DPP9: variants seen among roughly 807,000 people sequenced by gnomAD.
DPP9 encodes the protein dipeptidyl peptidase IV-related protein-2.
Under a neutral mutation model 110.7 loss-of-function variants are expected in DPP9, and 50 were observed. The ratio of observed to expected loss-of-function variants is 0.45; its 90% CI spans 0.36 to 0.57. The LOEUF is 0.57. Ranked by LOEUF, DPP9 falls within the 20% of genes least tolerant of loss-of-function variation. DPP9 has a pLI of 0.00. For synonymous variants in DPP9, 561 were observed against 514.4 expected (o/e 1.09, Z -1.23); for missense variants, 1,022 against 1,217.9 (o/e 0.84, Z 2.39).
chr19:4,714,047 T>C, intron 4 of DPP9, 34 bp downstream of exon 4: 2 of 1,582,368 alleles, frequency 1.3e-6, no homozygotes, highest in Non-Finnish European at 1.7e-6. Context: ...CCAGATGCTG[T>C]CCCCGCCCAA....
chr19:4,697,711 G>T, intron 10 of DPP9, 60 bp from the exon 11 acceptor site: 2 of 1,413,040 alleles, frequency 1.4e-6, no homozygotes, highest in Non-Finnish European at 9.9e-7. Flanking sequence ...GCTCGGAGGA[G>T]AAGGCCACTG....
In DPP9 at chr19:4,676,752, C is replaced by T. The variant is rs182539615; in HGVS notation, c.2587-96G>A. The T allele has an allele frequency of 5.9e-6, 6 of 1,008,408 alleles. No individual in the cohort carries two copies. Among genetic ancestry groups the T allele is most frequent in the Middle Eastern group, 4.3e-4 (2 of 4,698 alleles). 62.5% of individuals were successfully genotyped at this position (1,008,408 alleles called of 1,614,324 possible). A position where few individuals can be genotyped will look rare whatever the true frequency, so the allele number is the denominator to read the frequency against. ...TTCTGGCTCAGGGCATCCGGGAAGG[C>T]GCAGGTGCTCTGAGGCCCAGTGATC... On this transcript the variant is annotated intron_variant, in intron 21 of 21. Coordinates refer to ENST00000262960, the MANE Select transcript of DPP9 (RefSeq NM_139159.5). This position sits in a 1 kb window ranked among gnomAD's most constrained non-coding sequence, Gnocchi z 4.0.
At chr19:4,701,780 G>C (rs1461979714) in intron 9 of DPP9, among the ~76,000 whole-genome samples, 2 of 152,238 alleles carry the variant, frequency 1.3e-5, no homozygotes, top group Non-Finnish European at 2.9e-5. Flanking sequence ...CTGGAAGCCT[G>C]AGATACCTGT....
intron 11 of DPP9, among the ~76,000 whole-genome samples, chr19:4,697,064 A>C (rs1271643811): frequency 6.6e-6 from 1 of 151,276 alleles, no homozygotes; most frequent in Non-Finnish European, 1.5e-5. Context: ...GCACCACTGC[A>C]CTCCAGCTTG....
intron 21 of DPP9, 175 bp downstream of exon 21, chr19:4,679,660 A>G: frequency 3.4e-6 from 2 of 593,208 alleles, no homozygotes; most frequent in Non-Finnish European, 3.0e-6. Context: ...TGATACATCA[A>G]TGGCCCTGGG....
At chr19:4,707,025 G>T (rs1276625443) in intron 4 of DPP9, among the ~76,000 whole-genome samples, 2 of 152,178 alleles carry the variant, frequency 1.3e-5, no homozygotes, top group Non-Finnish European at 1.5e-5. Flanking sequence ...AGTGTCCCCT[G>T]CAGGGGCAGA....
rs747885836 is a variant in DPP9 at position 4,682,848 on chromosome 19, A to G, written c.2332-10T>C. ...CACCCGCGATGGCCACCTGAGGGAC[A>G]CAGCAGACAGATGGGGGCAGAGAGA... On this transcript the variant is annotated splice_polypyrimidine_tract_variant and intron_variant, in intron 19 of 21. Coordinates refer to ENST00000262960, the MANE Select transcript of DPP9 (RefSeq NM_139159.5). The surrounding 1 kb of genome is among the most constrained non-coding windows in gnomAD (Gnocchi z 7.1). 1.9e-6 allele frequency: 3 copies of G among 1,575,082 alleles called. No individual in the cohort carries two copies. Among genetic ancestry groups the G allele is most frequent in the Non-Finnish European group, 2.6e-6 (3 of 1,161,492 alleles).
At chr19:4,697,726 G>A in intron 10 of DPP9, 75 bp from the exon 11 acceptor site, 1 of 1,256,886 alleles carries the variant, frequency 8.0e-7, no homozygotes, top group South Asian at 1.3e-5. Context: ...CCACTGCGCT[G>A]GGTCCCATCA....
Position 4,685,610 on chromosome 19 carries a change from G to A in DPP9, c.2031+16C>T. 6.3e-7 allele frequency: 1 copy of A among 1,592,874 alleles called. No homozygotes were observed. The highest frequency in any genetic ancestry group is 8.5e-7 in the Non-Finnish European group (1 of 1,170,006). ...GGATGGTGGGGTGGGGGCCTGGGGA[G>A]CAGGTGTGCACTCACCTGGGGGCCT... On this transcript the variant is annotated intron_variant, in intron 17 of 21. Coordinates refer to ENST00000262960, the MANE Select transcript of DPP9 (RefSeq NM_139159.5). This position sits in a 1 kb window ranked among gnomAD's most constrained non-coding sequence, Gnocchi z 5.8.
In DPP9 at chr19:4,684,288, G is replaced by A. The variant is rs546339272; in HGVS notation, c.2178+375C>T. On this transcript the variant is annotated intron_variant, in intron 18 of 21. Transcript: ENST00000262960. This position sits in a 1 kb window ranked among gnomAD's most constrained non-coding sequence, Gnocchi z 4.8. The stretch of plus-strand genomic sequence containing the variant: ...GTGGGAACAGAGAGCAGCCCTCCCC[G>A]ACACAGCCCTGCCTTGGCCTTGGAC... 4.5e-5 allele frequency: 13 copies of A among 289,468 alleles called. No homozygotes were observed. Among genetic ancestry groups the A allele is most frequent in the South Asian group, 7.4e-5 (2 of 27,160 alleles). 17.9% of individuals were successfully genotyped at this position (289,468 alleles called of 1,614,324 possible). A position where few individuals can be genotyped will look rare whatever the true frequency, so the allele number is the denominator to read the frequency against.
chr19:4,700,209 CCCTTA>C lies in DPP9; in HGVS notation c.1074+2_1074+6del. 1 of 1,575,822 alleles carries C rather than the reference CCCTTA, an allele frequency of 6.3e-7. No individual in the cohort carries two copies. The highest frequency in any genetic ancestry group is 8.7e-7 in the Non-Finnish European group (1 of 1,154,666). On this transcript the variant is annotated splice_donor_variant and splice_donor_5th_base_variant and intron_variant, in intron 10 of 21. Transcript: ENST00000262960. LOFTEE classifies it high-confidence loss of function. This position sits in a 1 kb window ranked among gnomAD's most constrained non-coding sequence, Gnocchi z 4.3. The stretch of plus-strand genomic sequence containing the variant: ...TAGATTATCTGGTATGCAGCAGGCC[CCCTTA>C]CCTTGCCCTGGCTGTCAGTCTGGAA...
chr19:4,681,980 C>A (rs1183362900), intron 20 of DPP9, among the ~76,000 whole-genome samples: 2 of 151,622 alleles, frequency 1.3e-5, no homozygotes, highest in Non-Finnish European at 2.9e-5. Flanking sequence ...TCCCATATAG[C>A]TGGGACTACA....
chr19:4,714,928 C>T (rs538527889), intron 3 of DPP9, among the ~76,000 whole-genome samples: 32 of 152,082 alleles, frequency 2.1e-4, no homozygotes, highest in African/African-American at 7.0e-4. Flanking sequence ...TCCTTTCCAC[C>T]GCAGGGCCTT....
At chr19:4,707,590 CTT>C (rs2092647334) in intron 4 of DPP9, among the ~76,000 whole-genome samples, 1 of 136,820 alleles carries the variant, frequency 7.3e-6, no homozygotes, top group Non-Finnish European at 1.5e-5. Flanking sequence ...GTCCTGTCCT[CTT>C]TTCAGGACCT....
chr19:4,704,022 G>T lies in DPP9; in HGVS notation c.633C>A (p.Thr211=), dbSNP rs777961524. ...GGTCCATCCGGGGCCCTGAGCACTG[G>T]GTCTTGATTTCCAGCGGTTTCATAG... ...VSPMKPLEIK[T]QCSGPRMDPK... is the part of the protein sequence containing the mutation. The change falls in exon 7 of 22, where the codon ACC becomes ACA. Residue 211 remains threonine, a synonymous_variant. Coordinates refer to ENST00000262960, the MANE Select transcript of DPP9 (RefSeq NM_139159.5). This position sits in a 1 kb window ranked among gnomAD's most constrained non-coding sequence, Gnocchi z 6.0. 4 of 1,614,034 alleles carry T rather than the reference G, an allele frequency of 2.5e-6. No homozygotes were observed. The highest frequency in any genetic ancestry group is 3.4e-6 in the Non-Finnish European group (4 of 1,179,892).
At chr19:4,713,531 A>G (rs372907115) in intron 4 of DPP9, among the ~76,000 whole-genome samples, 1 of 152,222 alleles carries the variant, frequency 6.6e-6, no homozygotes, top group African/African-American at 2.4e-5. Context: ...CAGGGGCTGC[A>G]AGCGCGTGGC....
intron 21 of DPP9, chr19:4,679,499 T>C: frequency 3.1e-6 from 1 of 324,122 alleles, no homozygotes; most frequent in South Asian, 3.1e-5. Context: ...TTCTACGCAA[T>C]TTCTCAGTTT....
chr19:4,711,041 G>A (rs552045730), intron 4 of DPP9, among the ~76,000 whole-genome samples: 14 of 152,254 alleles, frequency 9.2e-5, no homozygotes, highest in South Asian at 2.1e-4. Flanking sequence ...AAGTTCCTCC[G>A]TTTCTGCTGG....
Position 4,682,900 on chromosome 19 carries a change from C to T in DPP9, c.2332-62G>A, listed in dbSNP as rs771810586. ...AGAGAGAAACAGGCGTCGGGTCCTA[C>T]AGCCAGCATCAGCCGCTGTCCCGGG... On this transcript the variant is annotated intron_variant, in intron 19 of 21. Transcript: ENST00000262960. The surrounding 1 kb of genome is among the most constrained non-coding windows in gnomAD (Gnocchi z 7.1). 1.1e-5 allele frequency: 17 copies of T among 1,541,842 alleles called. No individual in the cohort carries two copies. The highest frequency in any genetic ancestry group is 1.5e-5 in the Non-Finnish European group (17 of 1,146,896).
Sources: allele counts gnomAD v4.1 joint callset (sites outside exome capture counted in the v4.1 genomes callset), GRCh38; gene constraint gnomAD v4.1.1; non-coding constraint Gnocchi (gnomAD v3.1); transcripts MANE v1.5; gene names NCBI Gene and HGNC (gene_info 2026-07-23, HGNC 2026-07-21).